Variants in SELENOT observed in about 807,000 individuals in gnomAD.
SELENOT encodes selenoprotein T, also known as thioredoxin reductase-like selenoprotein T.
Under a neutral mutation model 24.3 loss-of-function variants are expected in SELENOT, and 9 were observed. That is an observed-to-expected ratio of 0.37 (90% confidence interval 0.22 to 0.65). SELENOT has a LOEUF of 0.65. Among genes scored for constraint, SELENOT ranks in the 30% least tolerant of loss-of-function variants. The pLI, the probability that SELENOT is intolerant of heterozygous loss-of-function variation, is 0.60. For synonymous variants in SELENOT, 81 were observed against 86.0 expected (o/e 0.94, Z 0.32); for missense variants, 166 against 247.6 (o/e 0.67, Z 2.21).
rs758158338 is a variant in SELENOT at position 150,603,437 on chromosome 3, C to T, written c.75C>T (p.Gly25=). Residue 25 remains glycine, a synonymous_variant, in exon 1 of 6, where the codon GGC becomes GGT. Transcript: ENST00000471696. ...VRSEASANLG[G]VPSKRLKMQY... Reference sequence around the variant, plus strand: ...GCGAGGCCTCGGCCAATCTGGGCGGCGTGCCCAGCAAGAGATTAAAGATGC... The same window carrying T: ...GCGAGGCCTCGGCCAATCTGGGCGGTGTGCCCAGCAAGAGATTAAAGATGC... 6.2e-7 allele frequency: 1 copy of T among 1,613,130 alleles called. No homozygotes were observed. The highest frequency in any genetic ancestry group is 2.2e-5 in the East Asian group (1 of 44,864).
chr3:150,611,615 C>T, intron 1 of SELENOT: 1 of 1,517,232 alleles, frequency 6.6e-7, no homozygotes, highest in East Asian at 2.3e-5. Context: ...CGCTCTTATC[C>T]AGCTCGATCT....
At position 150,628,218 on chromosome 3, in the gene SELENOT, G is replaced by C. The variant is rs1726483518; in HGVS notation, c.*589G>C. 1 of 152,534 alleles carries C rather than the reference G, an allele frequency of 6.6e-6. No individual in the cohort carries two copies. The highest frequency in any genetic ancestry group is 6.5e-5 in the Admixed American group (1 of 15,274). 9.4% of individuals were successfully genotyped at this position (152,534 alleles called of 1,614,324 possible). A position where few individuals can be genotyped will look rare whatever the true frequency, so the allele number is the denominator to read the frequency against. ...GAGTACTCTATAAATTTTTGTGTAT[G>C]TGTGTATGTGCGTGTGATTACCAGA... On this transcript the variant is annotated 3_prime_UTR_variant, in exon 6 of 6. Transcript: ENST00000471696.
Position 150,603,377 on chromosome 3 carries a change from G to C in SELENOT, c.15G>C (p.Leu5=), listed in dbSNP as rs778609770. MRLL[L]LLLVAASAMV... ...GCTCATTTAAGATGAGGCTTCTGCT[G>C]CTTCTCCTAGTGGCGGCGTCTGCGA... The change falls in exon 1 of 6, where the codon CTG becomes CTC. Residue 5 remains leucine (L), a synonymous_variant. Coordinates refer to ENST00000471696, the MANE Select transcript of SELENOT (RefSeq NM_016275.5). The C allele has an allele frequency of 1.8e-5, 29 of 1,612,874 alleles. No individual in the cohort carries two copies. The South Asian group carries it at 3.2e-4, about 18-fold the overall frequency.
intron 4 of SELENOT, among the ~76,000 whole-genome samples, chr3:150,625,229 T>C (rs1420641651): frequency 6.6e-6 from 1 of 152,140 alleles, no homozygotes; most frequent in African/African-American, 2.4e-5. Context: ...TGATGATCCC[T>C]GAATGTATAT....
intron 1 of SELENOT, among the ~76,000 whole-genome samples, chr3:150,621,275 C>G (rs187468515): frequency 1.3e-5 from 2 of 152,078 alleles, no homozygotes; most frequent in Non-Finnish European, 2.9e-5. Flanking sequence ...TCACACCCCC[C>G]CCAAAAAACA....
At chr3:150,626,984 G>C (rs1372790886) in intron 4 of SELENOT, 26 bp from the exon 5 acceptor site, 1 of 1,600,134 alleles carries the variant, frequency 6.2e-7, no homozygotes, top group Non-Finnish European at 8.5e-7. Flanking sequence ...TAATTTTTTG[G>C]GGGGCGGTGC....
At position 150,622,439 on chromosome 3, in the gene SELENOT, GC is replaced by G; in HGVS notation, c.193del (p.Arg65GlyfsTer?). ...AGGAGTACATGCGGGTTATTAGCCA[GC>G]GGTACCCAGACATCCGCATTGAAGG... ...FEEYMRVISQ[R>X]YPDIRIEGEN... On this transcript the variant is annotated frameshift_variant, in exon 2 of 6. Transcript: ENST00000471696. LOFTEE classifies it high-confidence loss of function. The G allele has an allele frequency of 6.6e-7, 1 of 1,505,460 alleles. No individual in the cohort carries two copies. Among genetic ancestry groups the G allele is most frequent in the Non-Finnish European group, 8.9e-7 (1 of 1,118,770 alleles). The allele number at this position is 1,505,460 out of a possible 1,614,324, so 93.3% of individuals were successfully genotyped here.
At chr3:150,619,269 C>T (rs1343853491) in intron 1 of SELENOT, among the ~76,000 whole-genome samples, 3 of 149,746 alleles carry the variant, frequency 2.0e-5, no homozygotes, top group South Asian at 2.1e-4. Context: ...TGGTGGCTCA[C>T]GCCTGTAATC....
At chr3:150,618,258 G>T (rs1461018945) in intron 1 of SELENOT, among the ~76,000 whole-genome samples, 1 of 152,178 alleles carries the variant, frequency 6.6e-6, no homozygotes, top group East Asian at 1.9e-4. Context: ...AAGGAATTAG[G>T]CCTCGTTGTG....
intron 1 of SELENOT, among the ~76,000 whole-genome samples, chr3:150,605,931 A>G (rs960236834): frequency 6.6e-6 from 1 of 152,232 alleles, no homozygotes; most frequent in Non-Finnish European, 1.5e-5. Flanking sequence ...AACAATCAAA[A>G]GAGAACTATT....
At chr3:150,624,975 A>G (rs1027147115) in intron 4 of SELENOT, 76 bp downstream of exon 4, 7 of 698,854 alleles carry the variant, frequency 1.0e-5, no homozygotes, top group Admixed American at 3.9e-5. Flanking sequence ...TATCTTTTAT[A>G]ATAAGATAAA....
chr3:150,619,366 C>G lies in SELENOT; in HGVS notation c.138-3019C>G, dbSNP rs371593095. On this transcript the variant is annotated intron_variant, in intron 1 of 5. Coordinates refer to ENST00000471696, the MANE Select transcript of SELENOT (RefSeq NM_016275.5). ...CCAACATGGTGAAACCCCATCTCTA[C>G]TAAAAATACAAAAAAAAAAATTAGC... 3.7e-3 allele frequency among the ~76,000 whole-genome samples: 550 copies of G among 149,154 alleles called. 5 individuals are homozygous for G. Among genetic ancestry groups the G allele is most frequent in the African/African-American group, 0.013 (531 of 40,660 alleles).
intron 1 of SELENOT, among the ~76,000 whole-genome samples, chr3:150,613,643 T>C (rs927480065): frequency 7.1e-6 from 1 of 141,206 alleles, no homozygotes; most frequent in African/African-American, 2.6e-5. Flanking sequence ...TTCTCTTCAC[T>C]AAATTATGCA....
chr3:150,617,231 C>T (rs1339057747), intron 1 of SELENOT, among the ~76,000 whole-genome samples: 1 of 152,114 alleles, frequency 6.6e-6, no homozygotes, highest in Non-Finnish European at 1.5e-5. Context: ...TCTTGCCAAC[C>T]TGTGTTTCTT....
chr3:150,614,013 T>A (rs937334957), intron 1 of SELENOT, among the ~76,000 whole-genome samples: 46 of 152,262 alleles, frequency 3.0e-4, no homozygotes, highest in African/African-American at 1.1e-3. Context: ...AGGTTTATTT[T>A]TTTTTTTAAT....
chr3:150,611,112 C>T (rs1429890467), intron 1 of SELENOT: 6 of 500,770 alleles, frequency 1.2e-5, no homozygotes, highest in Non-Finnish European at 2.1e-5. Context: ...GCTCATTTTA[C>T]ATGAGTTTCC....
At chr3:150,623,240 T>G in intron 3 of SELENOT, 71 bp downstream of exon 3, 1 of 1,292,214 alleles carries the variant, frequency 7.7e-7, no homozygotes, top group Non-Finnish European at 1.0e-6. Context: ...TAGATTTTCT[T>G]ATTTTGAATA....
chr3:150,626,685 G>C (rs371645187), intron 4 of SELENOT, among the ~76,000 whole-genome samples: 4 of 152,036 alleles, frequency 2.6e-5, no homozygotes, highest in Non-Finnish European at 4.4e-5. Flanking sequence ...CTCTGTCTTG[G>C]TAATTTTTCT....
intron 1 of SELENOT, chr3:150,611,856 G>T: frequency 3.1e-6 from 3 of 955,868 alleles, no homozygotes; most frequent in Non-Finnish European, 1.6e-6. Context: ...CCTCCCCACT[G>T]CCCAGGCGTG....
Sources: allele counts gnomAD v4.1 joint callset (sites outside exome capture counted in the v4.1 genomes callset), GRCh38; gene constraint gnomAD v4.1.1; transcripts MANE v1.5; gene names NCBI Gene and HGNC (gene_info 2026-07-23, HGNC 2026-07-21).